FAM107B: variants seen among roughly 807,000 people sequenced by gnomAD.
FAM107B encodes the protein family with sequence similarity 107 member B, also known as protein FAM107B.
FAM107B carries 21 observed loss-of-function variants against 31.5 expected under a neutral mutation model. The ratio of observed to expected loss-of-function variants is 0.67; its 90% CI spans 0.47 to 0.96. The LOEUF (loss-of-function observed/expected upper bound fraction) is 0.96, where lower values mean the gene tolerates loss of function less well. Ranked by LOEUF, FAM107B falls within the 40% of genes least tolerant of loss-of-function variation. The pLI, the probability that FAM107B is intolerant of heterozygous loss-of-function variation, is 0.00. For missense variants in FAM107B, 452 were observed against 377.1 expected (o/e 1.20, Z -1.64); for synonymous variants, 157 against 141.5 (o/e 1.11, Z -0.78).
chr10:14,684,516 A>G (rs1298918563), intron 1 of FAM107B, among the ~76,000 whole-genome samples: 1 of 152,178 alleles, frequency 6.6e-6, no homozygotes, highest in Non-Finnish European at 1.5e-5. Flanking sequence ...GTCCAGCCTC[A>G]TGACCTAATC....
At chr10:14,548,627 T>C (rs756609018) in intron 2 of FAM107B, 9 of 985,394 alleles carry the variant, frequency 9.1e-6, no homozygotes, top group East Asian at 2.3e-4. Context: ...AGGAGGGCTC[T>C]CTCCAGCTGC....
At chr10:14,584,165 A>G (rs1851748165) in intron 2 of FAM107B, among the ~76,000 whole-genome samples, 1 of 152,206 alleles carries the variant, frequency 6.6e-6, no homozygotes, top group Non-Finnish European at 1.5e-5. Context: ...ATAAGCAGCA[A>G]CACTCTGGGT....
chr10:14,573,650 A>C (rs575747382), intron 2 of FAM107B, among the ~76,000 whole-genome samples: 1 of 152,042 alleles, frequency 6.6e-6, no homozygotes, highest in African/African-American at 2.4e-5. Context: ...AGGCAGAGGC[A>C]GGAGAATCAC....
At chr10:14,728,621 C>G (rs1435505348) in intron 1 of FAM107B, among the ~76,000 whole-genome samples, 2 of 152,080 alleles carry the variant, frequency 1.3e-5, no homozygotes, top group East Asian at 3.9e-4. Flanking sequence ...ATATTGTTTC[C>G]CTCTTACCGC....
In FAM107B at chr10:14,708,307, C is replaced by T. The variant is rs182415784; in HGVS notation, c.412-40616G>A. Among the ~76,000 whole-genome samples, 812 of 152,220 alleles carry T rather than the reference C, an allele frequency of 5.3e-3. 2 individuals are homozygous for T. The highest frequency in any genetic ancestry group is 8.0e-3 in the Non-Finnish European group (545 of 68,006). On this transcript the variant is annotated intron_variant, in intron 1 of 4. Coordinates refer to ENST00000181796, the MANE Select transcript of FAM107B (RefSeq NM_031453.4). ...TGTTAGCCAGGCTGGTCTCAAACTCCTGACCTTAGGTGATCCACCTGCTGG... is the reference window on the plus strand; with the variant it reads ...TGTTAGCCAGGCTGGTCTCAAACTCTTGACCTTAGGTGATCCACCTGCTGG...
intron 1 of FAM107B, among the ~76,000 whole-genome samples, chr10:14,696,868 G>A (rs1479805222): frequency 2.0e-5 from 3 of 152,204 alleles, no homozygotes; most frequent in Admixed American, 6.5e-5. Flanking sequence ...CAGGGACACT[G>A]TGGTTCAATT....
chr10:14,570,497 CA>C (rs1315860160), intron 2 of FAM107B, among the ~76,000 whole-genome samples: 3 of 152,080 alleles, frequency 2.0e-5, no homozygotes, highest in Non-Finnish European at 4.4e-5. Context: ...TAATCCTAAC[CA>C]AGGAATAAGA....
intron 2 of FAM107B, among the ~76,000 whole-genome samples, chr10:14,650,314 A>G (rs932437384): frequency 2.0e-5 from 3 of 151,596 alleles, no homozygotes; most frequent in Non-Finnish European, 2.9e-5. Context: ...TGCCATTGAG[A>G]TGGAGTCTTG....
At chr10:14,568,415 C>T in intron 2 of FAM107B, among the ~76,000 whole-genome samples, 1 of 144,014 alleles carries the variant, frequency 6.9e-6, no homozygotes. Flanking sequence ...GCTGATGATC[C>T]CAGGGTTAGA....
intron 2 of FAM107B, among the ~76,000 whole-genome samples, chr10:14,593,449 G>A (rs1852083141): frequency 6.6e-6 from 1 of 152,054 alleles, no homozygotes. Context: ...AGGCTGAGGT[G>A]GGCGGATCAC....
At chr10:14,649,178 G>A (rs1189297826) in intron 2 of FAM107B, among the ~76,000 whole-genome samples, 1 of 152,182 alleles carries the variant, frequency 6.6e-6, no homozygotes, top group Admixed American at 6.5e-5. Flanking sequence ...ACTAACATTA[G>A]CATTAAAACA....
At chr10:14,721,530 T>C (rs1429981620) in intron 1 of FAM107B, among the ~76,000 whole-genome samples, 2 of 152,348 alleles carry the variant, frequency 1.3e-5, no homozygotes, top group East Asian at 1.9e-4. Context: ...TTTTTAATGA[T>C]CACCATTCTA....
intron 2 of FAM107B, among the ~76,000 whole-genome samples, chr10:14,580,151 A>T (rs1362965914): frequency 6.6e-6 from 1 of 152,132 alleles, no homozygotes; most frequent in Non-Finnish European, 1.5e-5. Flanking sequence ...TGAGGTCAGG[A>T]GATCAAGACC....
At position 14,628,119 on chromosome 10, in the gene FAM107B, T is replaced by TTTTG. The variant is rs1554841915; in HGVS notation, c.469+39514_469+39515insCAAA. Among the ~76,000 whole-genome samples the TTTTG allele has an allele frequency of 1.6e-4, 20 of 123,126 alleles. 1 individual carries two copies. Among genetic ancestry groups the TTTTG allele is most frequent in the African/African-American group, 7.0e-4 (20 of 28,534 alleles). The allele number at this position is 123,126 out of a possible 152,430, so 80.8% of individuals were successfully genotyped here. On this transcript the variant is annotated intron_variant, in intron 2 of 4. Coordinates refer to ENST00000181796, the MANE Select transcript of FAM107B (RefSeq NM_031453.4). Reference sequence around the variant, plus strand: ...TTGTTTTTTGTTTTGCTGGTTTTTTTTTTTTTTTTTTTTTGAGATGGAGTT... The same window carrying TTTTG: ...TTGTTTTTTGTTTTGCTGGTTTTTTTTTTGTTTTTTTTTTTTTTGAGATGGAGTT...
chr10:14,626,407 A>T (rs1372006707), intron 2 of FAM107B, among the ~76,000 whole-genome samples: 1 of 152,072 alleles, frequency 6.6e-6, no homozygotes, highest in Non-Finnish European at 1.5e-5. Flanking sequence ...ATACTCTCTC[A>T]CAATACTTCT....
At chr10:14,715,352 T>G (rs1449872662) in intron 1 of FAM107B, among the ~76,000 whole-genome samples, 1 of 152,164 alleles carries the variant, frequency 6.6e-6, no homozygotes, top group African/African-American at 2.4e-5. Context: ...AAAGGAATCT[T>G]ACAGGATAGA....
At chr10:14,571,761 A>C (rs2131269046) in intron 2 of FAM107B, 1 of 984,822 alleles carries the variant, frequency 1.0e-6, no homozygotes, top group South Asian at 4.7e-5. Context: ...GTTTATTCTT[A>C]CCTCAGATAT....
At chr10:14,526,766 C>T (rs1186455102) in intron 3 of FAM107B, among the ~76,000 whole-genome samples, 1 of 152,176 alleles carries the variant, frequency 6.6e-6, no homozygotes, top group African/African-American at 2.4e-5. Flanking sequence ...GTTTAAGTAA[C>T]TGACCTATTT....
At chr10:14,721,547 G>A (rs1384016282) in intron 1 of FAM107B, among the ~76,000 whole-genome samples, 2 of 152,180 alleles carry the variant, frequency 1.3e-5, no homozygotes, top group Non-Finnish European at 2.9e-5. Context: ...TCTAACTGGT[G>A]TGAGATGGTA....
Sources: allele counts gnomAD v4.1 joint callset (sites outside exome capture counted in the v4.1 genomes callset), GRCh38; gene constraint gnomAD v4.1.1; transcripts MANE v1.5; gene names NCBI Gene and HGNC (gene_info 2026-07-23, HGNC 2026-07-21).